CENPF: variants seen among roughly 807,000 people sequenced by gnomAD.
CENPF encodes AH antigen.
In CENPF, 214 loss-of-function variants were observed where a neutral mutation model predicts 307.3. The ratio of observed to expected loss-of-function variants is 0.70; its 90% confidence interval spans 0.62 to 0.78. The LOEUF (loss-of-function observed/expected upper bound fraction) is 0.78, where lower values mean the gene tolerates loss of function less well. Ranked by LOEUF, CENPF falls within the 30% of genes least tolerant of loss-of-function variation. The pLI, the probability that CENPF is intolerant of heterozygous loss-of-function variation, is 0.00. For missense variants in CENPF, 3,401 were observed against 3,483.9 expected, an observed-to-expected ratio of 0.98 and a Z score of 0.60; for synonymous variants, 1,259 against 1,270.6, an observed-to-expected ratio of 0.99 and a Z score of 0.19.
intron 1 of CENPF, among the ~76,000 whole-genome samples, chr1:214,609,492 G>GGAAA (rs1479390950): frequency 6.6e-6 from 1 of 152,128 alleles, no homozygotes; most frequent in East Asian, 1.9e-4. Context: ...ATGTGAAGAG[G>GGAAA]GAAAGAGGAG....
Position 214,642,909 on chromosome 1 carries a change from A to G in CENPF, c.4571A>G (p.Asp1524Gly), listed in dbSNP as rs768591438. ...GTTTCAGCAAACCAGTGCAGTGTAG[A>G]TGAAGTATTTTGCAGCAGTCTGCAG... is the stretch of plus-strand genomic sequence containing the variant. ...GAVSANQCSV[D>G]EVFCSSLQEE... The change falls in exon 12 of 20, where the codon GAT (aspartate) becomes GGT (glycine). Residue 1524 changes from aspartate to glycine, a missense_variant. By Grantham distance (94) the Asp-to-Gly change is moderately conservative. Transcript: ENST00000366955. 1 of 1,614,076 alleles carries G rather than the reference A, an allele frequency of 6.2e-7. No homozygotes were observed. Among genetic ancestry groups the G allele is most frequent in the Non-Finnish European group, 8.5e-7 (1 of 1,179,996 alleles).
At position 214,640,511 on chromosome 1, in the gene CENPF, A is replaced by G. The variant is rs1346371960; in HGVS notation, c.2173A>G (p.Thr725Ala). 1 of 1,614,056 alleles carries G rather than the reference A, an allele frequency of 6.2e-7. No homozygotes were observed. The highest frequency in any genetic ancestry group is 8.5e-7 in the Non-Finnish European group (1 of 1,180,032). ...QKEIENMCLK[T>A]SQLTGQVEDL... ...GGAAATAGAAAATATGTGTTTGAAG[A>G]CTTCTCAGCTTACTGGGCAAGTTGA... is the stretch of plus-strand genomic sequence containing the variant. Residue 725 changes from threonine to alanine, a missense_variant, in exon 12 of 20, where the codon ACT (threonine) becomes GCT (alanine). By Grantham distance (58) the Thr-to-Ala change is moderately conservative. Transcript: ENST00000366955.
At chr1:214,651,912 G>A (rs1399694585) in intron 15 of CENPF, 26 bp downstream of exon 15, 1 of 1,561,742 alleles carries the variant, frequency 6.4e-7, no homozygotes, top group Non-Finnish European at 8.6e-7. Flanking sequence ...TGGTTACTGG[G>A]GGAGCTGGAG....
rs189710125 is a variant in CENPF, at chr1:214,660,249, T to C, written c.9141+1221T>C. On this transcript the variant is annotated intron_variant, in intron 19 of 19. Coordinates refer to ENST00000366955, the MANE Select transcript of CENPF (RefSeq NM_016343.4). ...CATTATATTAAAATTTTTCTTCAAG[T>C]ATGAAGAAGAATGCTCTGAGATTTT... Among the ~76,000 whole-genome samples, 7 of 152,320 alleles carry C rather than the reference T, an allele frequency of 4.6e-5. No homozygotes were observed. In the East Asian group the frequency reaches 1.4e-3, roughly 29 times the overall value.
intron 19 of CENPF, among the ~76,000 whole-genome samples, chr1:214,662,440 A>G (rs539361863): frequency 9.8e-5 from 15 of 152,324 alleles, no homozygotes; most frequent in Non-Finnish European, 2.1e-4. Flanking sequence ...GTTTCATGTA[A>G]TGAAAAGTAT....
chr1:214,652,021 T>A, intron 15 of CENPF, 135 bp downstream of exon 15: 1 of 630,542 alleles, frequency 1.6e-6, no homozygotes, highest in Non-Finnish European at 2.4e-6. Context: ...GGTCTCACAT[T>A]AACTTCACGA....
chr1:214,633,977 A>G (rs890729497), intron 10 of CENPF, among the ~76,000 whole-genome samples: 2 of 152,190 alleles, frequency 1.3e-5, no homozygotes, highest in Non-Finnish European at 2.9e-5. Flanking sequence ...TGTAAAAGCA[A>G]TCATCTGGTT....
chr1:214,630,689 C>A, intron 9 of CENPF, 27 bp downstream of exon 9: 1 of 1,610,080 alleles, frequency 6.2e-7, no homozygotes, highest in Non-Finnish European at 8.5e-7. Context: ...TCTCTCTCTC[C>A]TTAATCATCC....
chr1:214,634,739 C>T (rs982053240), intron 10 of CENPF, among the ~76,000 whole-genome samples: 5 of 152,208 alleles, frequency 3.3e-5, no homozygotes, highest in Non-Finnish European at 5.9e-5. Context: ...GGGGACAGTG[C>T]ACTTGAGATT....
At position 214,640,710 on chromosome 1, in the gene CENPF, C is replaced by T; in HGVS notation, c.2372C>T (p.Pro791Leu). The change falls in exon 12 of 20, where the codon CCT becomes CTT. Residue 791 changes from proline (P) to leucine (L), a missense_variant. By Grantham distance (98) the Pro-to-Leu change is moderately conservative. Transcript: ENST00000366955. ...QRSLLAFDQQ[P>L]AMHHSFANII... is the part of the protein sequence containing the mutation. ...AGTCTTTTGGCTTTTGATCAGCAGC[C>T]TGCCATGCATCATTCCTTTGCAAAT... 1 of 1,614,086 alleles carries T rather than the reference C, an allele frequency of 6.2e-7. No individual in the cohort carries two copies. The highest frequency in any genetic ancestry group is 8.5e-7 in the Non-Finnish European group (1 of 1,180,002).
intron 3 of CENPF, among the ~76,000 whole-genome samples, chr1:214,615,792 A>G (rs1470186518): frequency 6.6e-6 from 1 of 152,128 alleles, no homozygotes; most frequent in Non-Finnish European, 1.5e-5. Flanking sequence ...TACAAAAATT[A>G]GCGAGGTGTA....
intron 10 of CENPF, among the ~76,000 whole-genome samples, chr1:214,635,904 A>G (rs1252057979): frequency 2.0e-5 from 3 of 151,752 alleles, no homozygotes; most frequent in Admixed American, 1.3e-4. Flanking sequence ...CTTCCTTCCT[A>G]TTGGGACGCA....
At position 214,655,292 on chromosome 1, in the gene CENPF, C is replaced by A. The variant is rs1178526346; in HGVS notation, c.8374C>A (p.Gln2792Lys). Residue 2792 changes from glutamine to lysine, a missense_variant, in exon 17 of 20, where the codon CAG becomes AAG. Transcript: ENST00000366955. ...GTTGAAGAAGGAAAATGAACGTGCC[C>A]AGGGGAAAATGAAGTTGTTGATCAA... ...NQLKKENERA[Q>K]GKMKLLIKSC... is the part of the protein sequence containing the mutation. The A allele has an allele frequency of 1.2e-6, 2 of 1,607,614 alleles. No homozygotes were observed. Among genetic ancestry groups the A allele is most frequent in the Non-Finnish European group, 1.7e-6 (2 of 1,176,824 alleles).
In CENPF at chr1:214,647,357, A is replaced by G; in HGVS notation, c.7787A>G (p.Glu2596Gly). ...LQSSYKNLEN[E>G]LELTKMDKMS... is the part of the protein sequence containing the mutation. ...AGTTCTTACAAGAATCTAGAGAATGAGCTTGAATTGACAAAAATGGACAAA... is the reference window on the plus strand; with the variant it reads ...AGTTCTTACAAGAATCTAGAGAATGGGCTTGAATTGACAAAAATGGACAAA... Residue 2596 changes from glutamate (E) to glycine (G), a missense_variant, in exon 13 of 20, where the codon GAG becomes GGG. Transcript: ENST00000366955. The G allele has an allele frequency of 2.5e-6, 4 of 1,610,884 alleles. No individual in the cohort carries two copies. Among genetic ancestry groups the G allele is most frequent in the Non-Finnish European group, 3.4e-6 (4 of 1,178,232 alleles).
At chr1:214,633,063 A>G (rs1657851607) in intron 10 of CENPF, among the ~76,000 whole-genome samples, 1 of 146,112 alleles carries the variant, frequency 6.8e-6, no homozygotes. Flanking sequence ...AGATTTAAAT[A>G]AACAAAAGTA....
At chr1:214,660,350 C>T (rs191221020) in intron 19 of CENPF, among the ~76,000 whole-genome samples, 1 of 152,276 alleles carries the variant, frequency 6.6e-6, no homozygotes, top group Admixed American at 6.5e-5. Context: ...TCTCCCCTCC[C>T]CTACCAAATT....
At chr1:214,628,558 C>A (rs1329270389) in intron 7 of CENPF, among the ~76,000 whole-genome samples, 1 of 152,234 alleles carries the variant, frequency 6.6e-6, no homozygotes, top group East Asian at 1.9e-4. Context: ...ATTCTCCTGC[C>A]TCAGTCTCCC....
intron 7 of CENPF, among the ~76,000 whole-genome samples, chr1:214,625,083 C>T (rs568324911): frequency 3.3e-5 from 5 of 152,126 alleles, no homozygotes; most frequent in East Asian, 1.9e-4. Context: ...ATTAATATAG[C>T]CACTCCAGCT....
Position 214,642,760 on chromosome 1 carries a change from A to G in CENPF, c.4422A>G (p.Pro1474=). Residue 1474 remains proline, a synonymous_variant, in exon 12 of 20, where the codon CCA becomes CCG. Coordinates refer to ENST00000366955, the MANE Select transcript of CENPF (RefSeq NM_016343.4). ...MQLGLEEGLV[P]SLSSSCVPDS... is the part of the protein sequence containing the mutation. ...TGGGCTTGGAGGAGGGGCTCGTTCC[A>G]TCCCTGTCATCCTCTTGTGTGCCTG... 2 of 1,614,012 alleles carry G rather than the reference A, an allele frequency of 1.2e-6. No individual in the cohort carries two copies. The highest frequency in any genetic ancestry group is 1.7e-6 in the Non-Finnish European group (2 of 1,179,992).
Sources: gnomAD v4.1 joint callset for allele counts (sites outside exome capture counted in the v4.1 genomes callset) on GRCh38, gnomAD v4.1.1 for gene constraint, MANE v1.5 for transcripts, NCBI Gene and HGNC (gene_info 2026-07-23, HGNC 2026-07-21) for gene names.